The following TMC3 variants were observed in gnomAD, a reference collection of about 807,000 sequenced individuals.
TMC3 encodes the protein transmembrane channel-like protein 3.
TMC3 carries 98 observed loss-of-function variants against 110.6 expected under a neutral mutation model. The ratio of observed to expected loss-of-function variants is 0.89; its 90% CI spans 0.75 to 1.05. The LOEUF is 1.05. Among genes scored for constraint, TMC3 ranks in the 50% least tolerant of loss-of-function variants. The pLI, the probability that TMC3 is intolerant of heterozygous loss-of-function variation, is 0.00. For missense variants in TMC3, 1,319 were observed against 1,373.2 expected, an observed-to-expected ratio of 0.96 and a Z score of 0.62; for synonymous variants, 489 against 513.1, an observed-to-expected ratio of 0.95 and a Z score of 0.63.
chr15:81,360,518 G>T (rs970529728), intron 4 of TMC3, among the ~76,000 whole-genome samples: 2 of 152,072 alleles, frequency 1.3e-5, no homozygotes, highest in African/African-American at 4.8e-5. Context: ...TCTGTCTAAG[G>T]TAAGGTTTCC....
At chr15:81,351,348 CT>C (rs35807579) in intron 10 of TMC3, among the ~76,000 whole-genome samples, 3,002 of 101,282 alleles carry the variant, frequency 0.03, 37 homozygotes, top group African/African-American at 0.12. Context: ...CTCTCTCTCT[CT>C]TTTTTTTTTT....
Position 81,343,256 on chromosome 15 carries a change from A to G in TMC3, c.1715+22T>C, listed in dbSNP as rs188161075. The G allele has an allele frequency of 5.6e-5, 87 of 1,546,736 alleles. No individual in the cohort carries two copies. In the African/African-American group the frequency reaches 1.0e-3, roughly 18 times the overall value. Reference sequence around the variant, plus strand: ...GCCCAGATGAGATGTAAGCAAAGGCAAGAAGAAACTTTGATACCTACCAAA... The same window carrying G: ...GCCCAGATGAGATGTAAGCAAAGGCGAGAAGAAACTTTGATACCTACCAAA... On this transcript the variant is annotated intron_variant, in intron 15 of 21. Coordinates refer to ENST00000359440, the MANE Select transcript of TMC3 (RefSeq NM_001080532.3).
chr15:81,373,772 C>T (rs1894488881), intron 1 of TMC3, among the ~76,000 whole-genome samples: 1 of 152,172 alleles, frequency 6.6e-6, no homozygotes, highest in Admixed American at 6.5e-5. Context: ...GGATTCTGAC[C>T]TCCTGGTCAA....
At chr15:81,365,735 C>G (rs574553240) in intron 3 of TMC3, among the ~76,000 whole-genome samples, 4 of 149,566 alleles carry the variant, frequency 2.7e-5, no homozygotes, top group African/African-American at 9.8e-5. Context: ...AAAAACTAAA[C>G]TTGGAAGAAA....
chr15:81,372,405 CACAG>C (rs1251865910), intron 2 of TMC3, among the ~76,000 whole-genome samples, 182 bp downstream of exon 2: 64 of 132,968 alleles, frequency 4.8e-4, no homozygotes, highest in Admixed American at 2.5e-3. Context: ...CACACACACA[CACAG>C]AGGAACTGGC....
intron 20 of TMC3, chr15:81,336,265 G>C (rs775359408): frequency 8.3e-5 from 16 of 192,890 alleles, no homozygotes; most frequent in Admixed American, 4.6e-4. Flanking sequence ...GCAGATCTCT[G>C]CATTTAAAAA....
At chr15:81,349,655 T>G in intron 10 of TMC3, 88 bp from the exon 11 acceptor site, 1 of 696,492 alleles carries the variant, frequency 1.4e-6, no homozygotes, top group Middle Eastern at 2.6e-4. Context: ...TCCCTAATAT[T>G]GGATCAGTGG....
chr15:81,337,799 A>T (rs565430245), intron 19 of TMC3, 47 bp downstream of exon 19: 67 of 1,494,476 alleles, frequency 4.5e-5, no homozygotes, highest in Non-Finnish European at 4.7e-6. Context: ...GATCTCAGTC[A>T]TGTGGTTGAC....
chr15:81,366,237 G>A (rs1894314472), intron 3 of TMC3, among the ~76,000 whole-genome samples: 1 of 152,170 alleles, frequency 6.6e-6, no homozygotes, highest in Admixed American at 6.5e-5. Flanking sequence ...TGGAGGAAAA[G>A]GCCCTTTAAA....
chr15:81,333,472 A>G (rs1472896716), intron 21 of TMC3, among the ~76,000 whole-genome samples: 1 of 152,182 alleles, frequency 6.6e-6, no homozygotes. Flanking sequence ...TAAATCAGTG[A>G]TGTACACATG....
intron 20 of TMC3, 106 bp from the exon 21 acceptor site, chr15:81,335,081 CA>C (rs1473619749): frequency 1.6e-6 from 2 of 1,288,350 alleles, no homozygotes; most frequent in Non-Finnish European, 2.1e-6. Context: ...AGTTGGTCCG[CA>C]AACAATTGAG....
chr15:81,341,332 A>G (rs1261499526), intron 16 of TMC3, 58 bp downstream of exon 16: 1 of 1,510,858 alleles, frequency 6.6e-7, no homozygotes, highest in Non-Finnish European at 8.9e-7. Context: ...TAAGGCAGGC[A>G]TGGATTATAT....
At chr15:81,357,004 C>T (rs527359866) in intron 7 of TMC3, among the ~76,000 whole-genome samples, 14 of 152,294 alleles carry the variant, frequency 9.2e-5, no homozygotes, top group Admixed American at 3.3e-4. Flanking sequence ...CTCCACGTAA[C>T]GTGCTGAGTC....
intron 11 of TMC3, among the ~76,000 whole-genome samples, chr15:81,347,345 C>T (rs1470075093): frequency 6.6e-6 from 1 of 152,210 alleles, no homozygotes; most frequent in African/African-American, 2.4e-5. Context: ...CCCCCCAGGC[C>T]TTCCGCATCT....
Position 81,358,184 on chromosome 15 carries a change from T to A in TMC3, c.708A>T (p.Ala236=). 1 of 1,610,038 alleles carries A rather than the reference T, an allele frequency of 6.2e-7. No individual in the cohort carries two copies. The highest frequency in any genetic ancestry group is 8.5e-7 in the Non-Finnish European group (1 of 1,178,678). ...GAATGATGAAGCTGTAAGCAAACAC[T>A]GCCATCCCCACTAGGAAATACGCCA... ...LPLAYFLVGM[A]VFAYSFIILL... is the part of the protein sequence containing the mutation. Residue 236 remains alanine (A), a synonymous_variant, in exon 7 of 22, where the codon GCA becomes GCT. Coordinates refer to ENST00000359440, the MANE Select transcript of TMC3 (RefSeq NM_001080532.3).
chr15:81,345,111 C>T (rs1893799382), intron 12 of TMC3, 100 bp from the exon 13 acceptor site: 2 of 1,481,028 alleles, frequency 1.4e-6, no homozygotes, highest in African/African-American at 2.8e-5. Flanking sequence ...CCAAGGGTGT[C>T]ATTGCATTGC....
chr15:81,368,275 C>CCTCG lies in TMC3; in HGVS notation c.286_289dup (p.Gly97AlafsTer20), dbSNP rs1306508429. ...TACCTCTGCACCTGCTGCTTGGTAG[C>CCTCG]CTCGGGTCCTGGTCAGCCTCCCTTC... On this transcript the variant is annotated frameshift_variant, in exon 3 of 22. Coordinates refer to ENST00000359440, the MANE Select transcript of TMC3 (RefSeq NM_001080532.3). LOFTEE classifies it high-confidence loss of function. The CCTCG allele has an allele frequency of 6.2e-7, 1 of 1,613,600 alleles. No homozygotes were observed. The highest frequency in any genetic ancestry group is 2.2e-5 in the East Asian group (1 of 44,880).
chr15:81,345,053 A>T, intron 12 of TMC3, 42 bp from the exon 13 acceptor site: 1 of 1,544,748 alleles, frequency 6.5e-7, no homozygotes, highest in Non-Finnish European at 8.7e-7. Flanking sequence ...CAGGGGAGAA[A>T]GGAAAATGGC....
rs925650693 is a variant in TMC3, at chr15:81,362,835, T to C, written c.313-534A>G. 2.0e-5 allele frequency among the ~76,000 whole-genome samples: 3 copies of C among 152,248 alleles called. No homozygotes were observed. The East Asian group carries it at 5.8e-4, about 29-fold the overall frequency. On this transcript the variant is annotated intron_variant, in intron 3 of 21. Transcript: ENST00000359440. ...AACAGACTCCCCAGGTGATTACAAG[T>C]GCATCCCTGTTTAAGGACCAAGAGT...
Sources: gnomAD v4.1 joint callset for allele counts (sites outside exome capture counted in the v4.1 genomes callset) on GRCh38, gnomAD v4.1.1 for gene constraint, MANE v1.5 for transcripts, NCBI Gene and HGNC (gene_info 2026-07-23, HGNC 2026-07-21) for gene names.